Variants in SCRIB observed in about 807,000 individuals in gnomAD.
The protein encoded by SCRIB is scribble planar cell polarity protein, also known as protein scribble homolog.
In SCRIB, 72 loss-of-function variants were observed where a neutral mutation model predicts 170.0. That is an observed-to-expected ratio of 0.42 (90% CI 0.35 to 0.52). The LOEUF (loss-of-function observed/expected upper bound fraction) is 0.52, where lower values mean the gene tolerates loss of function less well. Ranked by LOEUF, SCRIB falls within the 20% of genes least tolerant of loss-of-function variation. SCRIB has a pLI of 0.02. For missense variants in SCRIB, 2,475 were observed against 2,338.5 expected (o/e 1.06, Z -1.20); for synonymous variants, 1,298 against 1,044.3 (o/e 1.24, Z -4.68).
chr8:143,803,607 G>C lies in SCRIB; in HGVS notation c.3415-36C>G, dbSNP rs543640960. On this transcript the variant is annotated intron_variant, in intron 23 of 36. Coordinates refer to ENST00000356994, the MANE Select transcript of SCRIB (RefSeq NM_182706.5). The stretch of plus-strand genomic sequence containing the variant: ...ACGTGGTATGGGAGAGACCTGTTGG[G>C]GGGTGGGGCCCAGGGCGGGCTGGGG... 7.6e-6 allele frequency: 12 copies of C among 1,570,454 alleles called. No homozygotes were observed. The East Asian group carries it at 1.8e-4, about 24-fold the overall frequency.
At position 143,792,106 on chromosome 8, in the gene SCRIB, G is replaced by T. The variant is rs1361414313; in HGVS notation, c.4542C>A (p.Leu1514=). Residue 1514 remains leucine, a synonymous_variant, in exon 33 of 37, where the codon CTC becomes CTA. Transcript: ENST00000356994. ...ACCTGCTGAGGACCATCTGTGCTCG[G>T]AGAGCGTCCTGTTCCAATGACTTCA... ...ARMKSLEQDA[L]RAQMVLSRSQ... 1.3e-6 allele frequency: 2 copies of T among 1,588,078 alleles called. No individual in the cohort carries two copies. Among genetic ancestry groups the T allele is most frequent in the African/African-American group, 2.7e-5 (2 of 74,670 alleles).
Position 143,807,627 on chromosome 8 carries a change from G to A in SCRIB, c.2116-13C>T, listed in dbSNP as rs1307886312. ...CAAACGACACTCCCTGTTAGGACAGGACCAGTGAGGCATGCAGGTTAGCCA... is the reference window on the plus strand; with the variant it reads ...CAAACGACACTCCCTGTTAGGACAGAACCAGTGAGGCATGCAGGTTAGCCA... On this transcript the variant is annotated splice_polypyrimidine_tract_variant and intron_variant, in intron 15 of 36. Transcript: ENST00000356994. The A allele has an allele frequency of 2.5e-6, 4 of 1,611,436 alleles. No homozygotes were observed. Among genetic ancestry groups the A allele is most frequent in the Non-Finnish European group, 3.4e-6 (4 of 1,177,838 alleles).
intron 34 of SCRIB, 67 bp downstream of exon 34, chr8:143,791,808 TG>T (rs1399286347): frequency 1.2e-5 from 6 of 486,050 alleles, no homozygotes; most frequent in Middle Eastern, 4.5e-4. Context: ...GCCACGGGGG[TG>T]GGGGCAGGCC....
chr8:143,811,170 T>G lies in SCRIB; in HGVS notation c.1082A>C (p.His361Pro). ...CCGGTTCCCCGCCACGTCCAGCACG[T>G]GCAGCTCTGTCGTGTGGGCCAGCTC... is the stretch of plus-strand genomic sequence containing the variant. ...PPELAHTTEL[H>P]VLDVAGNRLQ... Residue 361 changes from histidine to proline, a missense_variant, in exon 10 of 37, where the codon CAC (histidine) becomes CCC (proline). His to Pro is a moderately conservative substitution (Grantham distance 77, BLOSUM62 -2). This residue lies in a region of SCRIB where 487 missense variants were observed against 558.1 expected (regional missense o/e 0.87). Transcript: ENST00000356994. 6.2e-7 allele frequency: 1 copy of G among 1,609,860 alleles called. No homozygotes were observed. Among genetic ancestry groups the G allele is most frequent in the Non-Finnish European group, 8.5e-7 (1 of 1,178,686 alleles).
At chr8:143,806,801 G>A (rs1195364484) in intron 17 of SCRIB, 123 bp downstream of exon 17, 2 of 759,904 alleles carry the variant, frequency 2.6e-6, no homozygotes, top group South Asian at 1.8e-5. Context: ...TAGGTGCCTT[G>A]GGCCCAGCCC....
chr8:143,797,543 A>C (rs1554634276), intron 24 of SCRIB, among the ~76,000 whole-genome samples: 1 of 152,212 alleles, frequency 6.6e-6, no homozygotes, highest in Admixed American at 6.5e-5. Flanking sequence ...GCTGATTTCA[A>C]GGGGCAGGAG....
At position 143,812,999 on chromosome 8, in the gene SCRIB, G is replaced by A. The variant is rs563294983; in HGVS notation, c.642+31C>T. 2.6e-5 allele frequency: 42 copies of A among 1,610,238 alleles called. No homozygotes were observed. In the African/African-American group the frequency reaches 3.7e-4, roughly 14 times the overall value. On this transcript the variant is annotated intron_variant, in intron 7 of 36. Transcript: ENST00000356994. ...AGAGAGTCAGAGCGCGGATGGGCACGAAGCAGGGGGCCAGCCCCACCCTGA... is the reference window on the plus strand; with the variant it reads ...AGAGAGTCAGAGCGCGGATGGGCACAAAGCAGGGGGCCAGCCCCACCCTGA...
chr8:143,804,231 C>A, intron 21 of SCRIB, 75 bp from the exon 22 acceptor site: 1 of 1,119,274 alleles, frequency 8.9e-7, no homozygotes, highest in Non-Finnish European at 1.3e-6. Flanking sequence ...CCCAAGAGTC[C>A]GTCCCGGTCC....
intron 15 of SCRIB, 78 bp downstream of exon 15, chr8:143,808,531 C>T: frequency 1.3e-6 from 2 of 1,483,460 alleles, no homozygotes; most frequent in Non-Finnish European, 1.8e-6. Context: ...CAGGCCTCGG[C>T]CCTGCTCCTG....
intron 28 of SCRIB, chr8:143,793,549 G>A (rs1313204414): frequency 2.9e-6 from 1 of 340,750 alleles, no homozygotes; most frequent in Non-Finnish European, 5.4e-6. Context: ...AGTGTGTTGG[G>A]AGGTGCCAAC....
At chr8:143,812,009 C>T (rs753943754) in intron 9 of SCRIB, among the ~76,000 whole-genome samples, 36 of 152,314 alleles carry the variant, frequency 2.4e-4, no homozygotes, top group Non-Finnish European at 4.0e-4. Flanking sequence ...TAACCGCTCC[C>T]CAGTGTTACA....
chr8:143,809,020 C>G lies in SCRIB; in HGVS notation c.1704G>C (p.Thr568=), dbSNP rs202135982. ...GCAGTGCGTCCTCTGCGAAATGCAC[C>G]GTGGGCTGTGCGGACAAAAGGGTGA... ...EDAEEDYQEP[T]VHFAEDALLP... The change falls in exon 15 of 37, where the codon ACG becomes ACC. Residue 568 remains threonine, a synonymous_variant. Transcript: ENST00000356994. 15 of 1,610,090 alleles carry G rather than the reference C, an allele frequency of 9.3e-6. No homozygotes were observed. The highest frequency in any genetic ancestry group is 1.3e-5 in the Non-Finnish European group (15 of 1,178,548).
intron 24 of SCRIB, among the ~76,000 whole-genome samples, chr8:143,795,767 T>C (rs1034559326): frequency 6.6e-6 from 1 of 152,122 alleles, no homozygotes; most frequent in Non-Finnish European, 1.5e-5. Context: ...GCCGTGGACG[T>C]GGTCACGTCT....
In SCRIB at chr8:143,808,790, C is replaced by A; in HGVS notation, c.1934G>T (p.Trp645Leu). 4 of 1,611,314 alleles carry A rather than the reference C, an allele frequency of 2.5e-6. No individual in the cohort carries two copies. Among genetic ancestry groups the A allele is most frequent in the Non-Finnish European group, 3.4e-6 (4 of 1,178,744 alleles). The change falls in exon 15 of 37, where the codon TGG (tryptophan) becomes TTG (leucine). Residue 645 changes from tryptophan (W) to leucine (L), a missense_variant. This residue lies in a region of SCRIB where 1,966 missense variants were observed against 1,742.9 expected (regional missense o/e 1.13). Transcript: ENST00000356994. ...DGEGPVAPGGWHNGPHAPWAP... is the reference protein window; with the variant it reads ...DGEGPVAPGGLHNGPHAPWAP... Reference sequence around the variant, plus strand: ...CCAGGGTGCGTGGGGGCCATTGTGCCAGCCCCCGGGAGCCACAGGGCCCTC... The same window carrying A: ...CCAGGGTGCGTGGGGGCCATTGTGCAAGCCCCCGGGAGCCACAGGGCCCTC...
At chr8:143,811,757 A>G (rs1219230187) in intron 9 of SCRIB, among the ~76,000 whole-genome samples, 2 of 151,918 alleles carry the variant, frequency 1.3e-5, no homozygotes, top group Non-Finnish European at 2.9e-5. Flanking sequence ...CCTGAACCCC[A>G]GAGTCCCTTT....
At chr8:143,791,553 G>A (rs1820081837) in intron 35 of SCRIB, 113 bp from the exon 36 acceptor site, 3 of 1,558,828 alleles carry the variant, frequency 1.9e-6, no homozygotes, top group African/African-American at 1.4e-5. Flanking sequence ...AGGGGGAGGG[G>A]GGGTGAAGAG....
Position 143,813,016 on chromosome 8 carries a change from C to A in SCRIB, c.642+14G>T, listed in dbSNP as rs761985672. On this transcript the variant is annotated intron_variant, in intron 7 of 36. Coordinates refer to ENST00000356994, the MANE Select transcript of SCRIB (RefSeq NM_182706.5). Reference sequence around the variant, plus strand: ...ATGGGCACGAAGCAGGGGGCCAGCCCCACCCTGACTCACCGGGGGCAGTGC... The same window carrying A: ...ATGGGCACGAAGCAGGGGGCCAGCCACACCCTGACTCACCGGGGGCAGTGC... The A allele has an allele frequency of 6.2e-7, 1 of 1,606,840 alleles. No individual in the cohort carries two copies. The highest frequency in any genetic ancestry group is 8.5e-7 in the Non-Finnish European group (1 of 1,177,600).
chr8:143,811,467 C>T lies in SCRIB; in HGVS notation c.907-122G>A, dbSNP rs1214357620. The T allele has an allele frequency of 1.9e-5, 16 of 832,384 alleles. No individual in the cohort carries two copies. In the South Asian group the frequency reaches 2.1e-4, roughly 11 times the overall value. 51.6% of individuals were successfully genotyped at this position (832,384 alleles called of 1,614,324 possible). A position where few individuals can be genotyped will look rare whatever the true frequency, so the allele number is the denominator to read the frequency against. On this transcript the variant is annotated intron_variant, in intron 9 of 36. Coordinates refer to ENST00000356994, the MANE Select transcript of SCRIB (RefSeq NM_182706.5). ...GCTCCAGCCAGGGTCCCTCACAGCC[C>T]CTGGAGACCGGGACAAGGACCTGAC... is the stretch of plus-strand genomic sequence containing the variant.
chr8:143,809,280 G>A (rs570791151), intron 14 of SCRIB, among the ~76,000 whole-genome samples: 1 of 152,112 alleles, frequency 6.6e-6, no homozygotes, highest in African/African-American at 2.4e-5. Context: ...GGAGCCCACG[G>A]GGGTCAGAAG....
Sources: allele counts gnomAD v4.1 joint callset (sites outside exome capture counted in the v4.1 genomes callset), GRCh38; gene constraint gnomAD v4.1.1; regional missense constraint gnomAD v4.1.1; transcripts MANE v1.5; gene names NCBI Gene and HGNC (gene_info 2026-07-23, HGNC 2026-07-21).